The following KIAA1328 variants were observed in gnomAD, a reference collection of about 807,000 sequenced individuals.
KIAA1328 encodes protein hinderin.
KIAA1328 carries 52 observed loss-of-function variants against 68.1 expected under a neutral mutation model. The ratio of observed to expected loss-of-function variants is 0.76; its 90% CI spans 0.61 to 0.96. The LOEUF is 0.96. Ranked by LOEUF, KIAA1328 falls within the 40% of genes least tolerant of loss-of-function variation. The probability of loss-of-function intolerance (pLI) is 0.00; values close to 1 mark genes in which losing one functional copy is unlikely to be tolerated. For missense variants in KIAA1328, 641 were observed against 677.6 expected, an observed-to-expected ratio of 0.95 and a Z score of 0.60; for synonymous variants, 232 against 239.4, an observed-to-expected ratio of 0.97 and a Z score of 0.28.
chr18:37,164,302 C>T (rs906630341), intron 8 of KIAA1328, among the ~76,000 whole-genome samples: 6 of 152,174 alleles, frequency 3.9e-5, no homozygotes, highest in Admixed American at 3.9e-4. Flanking sequence ...TATCCTGTTT[C>T]CCCAAAATAA....
At chr18:36,913,024 T>G (rs1234628968) in intron 5 of KIAA1328, among the ~76,000 whole-genome samples, 1 of 152,234 alleles carries the variant, frequency 6.6e-6, no homozygotes, top group Non-Finnish European at 1.5e-5. Context: ...ACTTGTGGGC[T>G]CAGGGCTCTG....
At chr18:37,077,656 G>A (rs1307182166) in intron 7 of KIAA1328, among the ~76,000 whole-genome samples, 5 of 149,108 alleles carry the variant, frequency 3.4e-5, no homozygotes, top group African/African-American at 1.3e-4. Context: ...AAATCAATGT[G>A]CAAAAATCAC....
intron 4 of KIAA1328, among the ~76,000 whole-genome samples, chr18:36,847,417 G>A (rs1419664704): frequency 6.6e-6 from 1 of 151,366 alleles, no homozygotes; most frequent in Non-Finnish European, 1.5e-5. Context: ...TCTTGGTATT[G>A]TCATTTCTTT....
chr18:36,902,505 G>C (rs367650419), intron 5 of KIAA1328: 1 of 152,172 alleles, frequency 6.6e-6, no homozygotes, highest in African/African-American at 2.4e-5. Context: ...CAGCAAAGGA[G>C]GTGTGTTTTA....
chr18:37,179,862 T>G (rs1255215362), intron 9 of KIAA1328, among the ~76,000 whole-genome samples: 1 of 152,162 alleles, frequency 6.6e-6, no homozygotes, highest in African/African-American at 2.4e-5. Flanking sequence ...CTCTTGATTC[T>G]CTGTGGGTTA....
intron 7 of KIAA1328, among the ~76,000 whole-genome samples, chr18:37,158,514 G>T (rs2059206657): frequency 6.6e-6 from 1 of 152,106 alleles, no homozygotes; most frequent in African/African-American, 2.4e-5. Flanking sequence ...TGATTGACAG[G>T]CCATAGTCAC....
At chr18:37,168,796 G>A (rs2059439800) in intron 8 of KIAA1328, among the ~76,000 whole-genome samples, 1 of 152,022 alleles carries the variant, frequency 6.6e-6, no homozygotes. Flanking sequence ...GTGCTGCCAG[G>A]GCTTGCTTTC....
chr18:37,201,251 A>G (rs2060108482), intron 9 of KIAA1328, among the ~76,000 whole-genome samples: 2 of 152,256 alleles, frequency 1.3e-5, no homozygotes, highest in South Asian at 2.1e-4. Flanking sequence ...ATTGCACACA[A>G]GGTTACAATC....
chr18:37,004,672 A>G (rs2151466778), intron 6 of KIAA1328, among the ~76,000 whole-genome samples: 1 of 152,282 alleles, frequency 6.6e-6, no homozygotes, highest in South Asian at 2.1e-4. Context: ...TAGTACAACA[A>G]CTATGGGAAA....
chr18:36,992,148 G>A (rs1228135573), intron 6 of KIAA1328, among the ~76,000 whole-genome samples: 2 of 152,108 alleles, frequency 1.3e-5, no homozygotes, highest in Non-Finnish European at 1.5e-5. Flanking sequence ...TCTTCGTATA[G>A]TCTAGATGTT....
rs147858875 is a variant in KIAA1328, at chr18:36,995,398, A to T, written c.576+35963A>T. Among the ~76,000 whole-genome samples, 3 of 152,248 alleles carry T rather than the reference A, an allele frequency of 2.0e-5. No homozygotes were observed. The East Asian group carries it at 5.8e-4, about 29-fold the overall frequency. ...TTGGCTCCAAGTCTTTGCTATTGTGAATAGTGCCGCAATAAATATACGTGT... is the reference window on the plus strand; with the variant it reads ...TTGGCTCCAAGTCTTTGCTATTGTGTATAGTGCCGCAATAAATATACGTGT... On this transcript the variant is annotated intron_variant, in intron 6 of 9. Coordinates refer to ENST00000280020, the MANE Select transcript of KIAA1328 (RefSeq NM_020776.3).
At chr18:37,126,869 A>G (rs1449796714) in intron 7 of KIAA1328, among the ~76,000 whole-genome samples, 2 of 152,180 alleles carry the variant, frequency 1.3e-5, no homozygotes, top group Non-Finnish European at 2.9e-5. Flanking sequence ...AACAAATGCA[A>G]AAAGTTGACA....
intron 7 of KIAA1328, among the ~76,000 whole-genome samples, chr18:37,139,453 G>A (rs2058720459): frequency 6.6e-6 from 1 of 152,170 alleles, no homozygotes; most frequent in African/African-American, 2.4e-5. Flanking sequence ...TAACTAGAAA[G>A]TAGTACAACC....
chr18:37,076,038 C>A (rs907415595), intron 7 of KIAA1328, among the ~76,000 whole-genome samples: 1 of 151,974 alleles, frequency 6.6e-6, no homozygotes, highest in Non-Finnish European at 1.5e-5. Flanking sequence ...ACATTTTTTT[C>A]AGCACCACAC....
At chr18:36,977,485 C>T (rs185838269) in intron 6 of KIAA1328, among the ~76,000 whole-genome samples, 2 of 152,162 alleles carry the variant, frequency 1.3e-5, no homozygotes, top group Non-Finnish European at 2.9e-5. Flanking sequence ...GCCTGCTTGA[C>T]AGATTGAGTG....
At chr18:37,044,435 A>G (rs1216080171) in intron 6 of KIAA1328, among the ~76,000 whole-genome samples, 1 of 152,152 alleles carries the variant, frequency 6.6e-6, no homozygotes, top group Non-Finnish European at 1.5e-5. Context: ...TCTAAAAATA[A>G]CCAAGCTATG....
chr18:36,891,630 G>T (rs1017245765), intron 5 of KIAA1328, among the ~76,000 whole-genome samples: 1 of 152,114 alleles, frequency 6.6e-6, no homozygotes, highest in Non-Finnish European at 1.5e-5. Context: ...TGGCAGCAAA[G>T]GTCATTATTC....
chr18:36,981,250 CA>C (rs2052674397), intron 6 of KIAA1328, among the ~76,000 whole-genome samples: 1 of 152,068 alleles, frequency 6.6e-6, no homozygotes, highest in Non-Finnish European at 1.5e-5. Context: ...ACTGATTCAA[CA>C]AATCAGAAAA....
At chr18:37,166,894 C>T (rs960253195) in intron 8 of KIAA1328, among the ~76,000 whole-genome samples, 1 of 152,040 alleles carries the variant, frequency 6.6e-6, no homozygotes, top group Non-Finnish European at 1.5e-5. Context: ...TCTAAATAGA[C>T]CTATATAACA....
Sources: allele counts gnomAD v4.1 joint callset (sites outside exome capture counted in the v4.1 genomes callset), GRCh38; gene constraint gnomAD v4.1.1; transcripts MANE v1.5; gene names NCBI Gene and HGNC (gene_info 2026-07-23, HGNC 2026-07-21).